The following PPFIA2 variants were observed in gnomAD, a reference collection of about 807,000 sequenced individuals.
PPFIA2 encodes liprin-alpha-2.
A neutral mutation model predicts 175.5 loss-of-function variants in PPFIA2; 46 were observed. That is an observed-to-expected ratio of 0.26 (90% CI 0.21 to 0.34). PPFIA2 has a LOEUF of 0.34. PPFIA2 is among the 10% of genes least tolerant of loss of function. The pLI is 1.00. For synonymous variants in PPFIA2, 568 were observed against 511.4 expected, an observed-to-expected ratio of 1.11 and a Z score of -1.49; for missense variants, 1,179 against 1,506.1, an observed-to-expected ratio of 0.78 and a Z score of 3.60.
chr12:81,408,995 C>T (rs1014764165), intron 7 of PPFIA2, among the ~76,000 whole-genome samples: 2 of 152,042 alleles, frequency 1.3e-5, no homozygotes, highest in Non-Finnish European at 2.9e-5. Context: ...TTTAAAAATT[C>T]CCCTTTGGGT....
At chr12:81,354,304 A>G (rs1488613980) in intron 16 of PPFIA2, among the ~76,000 whole-genome samples, 1 of 152,180 alleles carries the variant, frequency 6.6e-6, no homozygotes, top group East Asian at 1.9e-4. Context: ...ATCGGAATCA[A>G]TCCTCTCACA....
intron 4 of PPFIA2, among the ~76,000 whole-genome samples, chr12:81,629,660 T>G (rs2063141529): frequency 6.6e-6 from 1 of 152,154 alleles, no homozygotes. Context: ...TAACCTTTCA[T>G]TCCAGCACCC....
At chr12:81,587,210 C>G (rs1262440956) in intron 4 of PPFIA2, among the ~76,000 whole-genome samples, 1 of 151,994 alleles carries the variant, frequency 6.6e-6, no homozygotes, top group Non-Finnish European at 1.5e-5. Context: ...AGGGAAGGAC[C>G]TGTAATTCCC....
At chr12:81,597,908 T>C (rs1173404169) in intron 4 of PPFIA2, 55 of 1,516,444 alleles carry the variant, frequency 3.6e-5, no homozygotes, top group Non-Finnish European at 4.8e-5. Flanking sequence ...AGTTTGACAA[T>C]ACATTAACTT....
chr12:81,390,763 A>G (rs1481691791), intron 8 of PPFIA2, among the ~76,000 whole-genome samples: 1 of 151,624 alleles, frequency 6.6e-6, no homozygotes, highest in African/African-American at 2.4e-5. Context: ...TATTCTTTGA[A>G]TTTCAAATGT....
At position 81,548,586 on chromosome 12, in the gene PPFIA2, G is replaced by A. The variant is rs1044648989; in HGVS notation, c.304-90720C>T. Among the ~76,000 whole-genome samples the A allele has an allele frequency of 2.0e-5, 3 of 152,194 alleles. No individual in the cohort carries two copies. The East Asian group carries it at 5.8e-4, about 29-fold the overall frequency. ...GTGCTCAAGCAATCCTCTCACCTAA[G>A]TCTCTCAAGTAGGTGGAACTATAGA... On this transcript the variant is annotated intron_variant, in intron 4 of 32. Coordinates refer to ENST00000549396, the MANE Select transcript of PPFIA2 (RefSeq NM_003625.5).
chr12:81,527,838 T>C (rs1449401774), intron 4 of PPFIA2, among the ~76,000 whole-genome samples: 1 of 152,040 alleles, frequency 6.6e-6, no homozygotes, highest in African/African-American at 2.4e-5. Flanking sequence ...GCTTCCATCA[T>C]ATAAGGACAC....
At chr12:81,494,471 T>C (rs1355771164) in intron 4 of PPFIA2, among the ~76,000 whole-genome samples, 3 of 151,918 alleles carry the variant, frequency 2.0e-5, no homozygotes, top group Non-Finnish European at 4.4e-5. Flanking sequence ...AGTGGAGAAA[T>C]AGGAACACTT....
At position 81,398,887 on chromosome 12, in the gene PPFIA2, T is replaced by C. The variant is rs2041647283; in HGVS notation, c.762+6900A>G. ...AAGAGTTAAAATATAAATACTGTAG[T>C]ACTTACACCAGTTAAAAATTGTACA... On this transcript the variant is annotated intron_variant, in intron 8 of 32. Transcript: ENST00000549396. 2.6e-5 allele frequency among the ~76,000 whole-genome samples: 4 copies of C among 152,166 alleles called. No homozygotes were observed. The South Asian group carries it at 8.3e-4, about 32-fold the overall frequency.
At chr12:81,555,087 C>T (rs891198228) in intron 4 of PPFIA2, among the ~76,000 whole-genome samples, 5 of 151,948 alleles carry the variant, frequency 3.3e-5, no homozygotes, top group African/African-American at 1.2e-4. Flanking sequence ...TTTGTGGTCA[C>T]ACGAATCCTC....
intron 8 of PPFIA2, among the ~76,000 whole-genome samples, chr12:81,394,821 A>G (rs1453916188): frequency 6.6e-6 from 1 of 151,998 alleles, no homozygotes; most frequent in Non-Finnish European, 1.5e-5. Flanking sequence ...AAAAAAAAAA[A>G]AACTGTCCAT....
intron 4 of PPFIA2, among the ~76,000 whole-genome samples, chr12:81,619,642 ATCT>A (rs1179312289): frequency 6.6e-6 from 1 of 152,220 alleles, no homozygotes; most frequent in Non-Finnish European, 1.5e-5. Flanking sequence ...TTTAAGTAAG[ATCT>A]TCATTATTTT....
At position 81,345,218 on chromosome 12, in the gene PPFIA2, G is replaced by A. The variant is rs149796249; in HGVS notation, c.2233-525C>T. On this transcript the variant is annotated intron_variant, in intron 18 of 32. Transcript: ENST00000549396. Reference sequence around the variant, plus strand: ...TTTCTCTTTCCCACAAATGCCAAAAGCATTTTCTTCAGGTTAAAAAAAATT... The same window carrying A: ...TTTCTCTTTCCCACAAATGCCAAAAACATTTTCTTCAGGTTAAAAAAAATT... 1.7e-4 allele frequency among the ~76,000 whole-genome samples: 26 copies of A among 151,886 alleles called. 1 individual carries two copies. In the East Asian group the frequency reaches 5.0e-3, roughly 29 times the overall value.
At chr12:81,507,753 T>G (rs955528446) in intron 4 of PPFIA2, among the ~76,000 whole-genome samples, 2 of 152,194 alleles carry the variant, frequency 1.3e-5, no homozygotes, top group African/African-American at 4.8e-5. Flanking sequence ...AGAGGAGTCC[T>G]TTTAAAACAT....
intron 3 of PPFIA2, among the ~76,000 whole-genome samples, chr12:81,699,537 A>G (rs2076266513): frequency 7.4e-6 from 1 of 134,922 alleles, no homozygotes; most frequent in African/African-American, 2.5e-5. Context: ...ATAAAATAAT[A>G]ATATCCTCTC....
intron 15 of PPFIA2, among the ~76,000 whole-genome samples, chr12:81,359,169 G>A (rs1208777742): frequency 6.6e-6 from 1 of 152,012 alleles, no homozygotes; most frequent in East Asian, 1.9e-4. Context: ...TATTGAATTT[G>A]AGGCTCCTGC....
chr12:81,686,589 T>C (rs2074451288), intron 3 of PPFIA2, among the ~76,000 whole-genome samples: 1 of 152,120 alleles, frequency 6.6e-6, no homozygotes, highest in East Asian at 1.9e-4. Context: ...TCCACACTGA[T>C]GCATCCTTGC....
intron 3 of PPFIA2, among the ~76,000 whole-genome samples, chr12:81,726,158 G>A (rs544226823): frequency 2.1e-4 from 31 of 150,908 alleles, no homozygotes; most frequent in African/African-American, 6.8e-4. Flanking sequence ...AACTATCATC[G>A]AAAAAATAAT....
intron 24 of PPFIA2, among the ~76,000 whole-genome samples, chr12:81,293,520 G>A (rs946835779): frequency 6.6e-6 from 1 of 151,856 alleles, no homozygotes; most frequent in Non-Finnish European, 1.5e-5. Context: ...ACATACAAGT[G>A]TCCAACAAAC....
Sources: gnomAD v4.1 joint callset for allele counts (sites outside exome capture counted in the v4.1 genomes callset) on GRCh38, gnomAD v4.1.1 for gene constraint, MANE v1.5 for transcripts, NCBI Gene and HGNC (gene_info 2026-07-23, HGNC 2026-07-21) for gene names.